Variants in KCNJ3 observed in about 807,000 individuals in gnomAD.
The protein encoded by KCNJ3 is potassium inwardly rectifying channel subfamily J member 3.
KCNJ3 carries 4 observed loss-of-function variants against 39.2 expected under a neutral mutation model. The ratio of observed to expected loss-of-function variants is 0.10; its 90% CI spans 0.05 to 0.23. The LOEUF (loss-of-function observed/expected upper bound fraction) is 0.23, where lower values mean the gene tolerates loss of function less well. Ranked by LOEUF, KCNJ3 falls within the 10% of genes least tolerant of loss-of-function variation. The probability of loss-of-function intolerance (pLI) is 1.00; values close to 1 mark genes in which losing one functional copy is unlikely to be tolerated. For synonymous variants in KCNJ3, 230 were observed against 237.4 expected (o/e 0.97, Z 0.29); for missense variants, 276 against 634.9 (o/e 0.43, Z 6.08).
Position 154,703,791 on chromosome 2 carries a change from C to T in KCNJ3, c.702+4314C>T, listed in dbSNP as rs953014340. 3.9e-5 allele frequency among the ~76,000 whole-genome samples: 6 copies of T among 152,050 alleles called. No individual in the cohort carries two copies. The South Asian group carries it at 8.3e-4, about 21-fold the overall frequency. ...TATAACTGACTCTTCACCAATTGAC[C>T]GTGGCCAATTTGAACTTTATTTTTA... On this transcript the variant is annotated intron_variant, in intron 1 of 2. Transcript: ENST00000295101.
At chr2:154,790,017 T>C (rs544443719) in intron 2 of KCNJ3, among the ~76,000 whole-genome samples, 1 of 152,200 alleles carries the variant, frequency 6.6e-6, no homozygotes, top group Non-Finnish European at 1.5e-5. Flanking sequence ...TAAGAGGCAG[T>C]TTCATTCCCT....
intron 1 of KCNJ3, among the ~76,000 whole-genome samples, chr2:154,708,771 TTTAC>T (rs1362553475): frequency 1.3e-5 from 2 of 152,182 alleles, no homozygotes; most frequent in Non-Finnish European, 2.9e-5. Context: ...ATGCAAGCAA[TTTAC>T]TTAATTAAGC....
intron 2 of KCNJ3, among the ~76,000 whole-genome samples, chr2:154,835,727 G>A (rs887141602): frequency 2.0e-5 from 3 of 151,712 alleles, no homozygotes; most frequent in Non-Finnish European, 4.4e-5. Flanking sequence ...CGTTAGCTAT[G>A]TCATTTTATA....
intron 2 of KCNJ3, among the ~76,000 whole-genome samples, chr2:154,726,993 G>A (rs1685371644): frequency 6.6e-6 from 1 of 152,016 alleles, no homozygotes; most frequent in Non-Finnish European, 1.5e-5. Flanking sequence ...AGAATGATCA[G>A]TGGACTTTGG....
intron 2 of KCNJ3, among the ~76,000 whole-genome samples, chr2:154,773,289 C>A (rs933612286): frequency 4.6e-5 from 7 of 151,956 alleles, no homozygotes; most frequent in Admixed American, 4.6e-4. Context: ...TTTTTGATTA[C>A]CTGCTGAGAT....
chr2:154,811,873 A>G (rs1258408039), intron 2 of KCNJ3, among the ~76,000 whole-genome samples: 2 of 152,164 alleles, frequency 1.3e-5, no homozygotes, highest in Non-Finnish European at 2.9e-5. Flanking sequence ...GGAATATACT[A>G]GCAGGGTCTG....
chr2:154,775,908 G>A (rs978405477), intron 2 of KCNJ3, among the ~76,000 whole-genome samples: 3 of 151,890 alleles, frequency 2.0e-5, no homozygotes, highest in African/African-American at 7.3e-5. Flanking sequence ...AAAATACTGA[G>A]CTTGTTTTCT....
At chr2:154,777,397 G>A (rs565248734) in intron 2 of KCNJ3, among the ~76,000 whole-genome samples, 16 of 152,260 alleles carry the variant, frequency 1.1e-4, no homozygotes, top group Non-Finnish European at 2.4e-4. Context: ...GGTTAGCCAG[G>A]TTGGCATTGT....
intron 2 of KCNJ3, among the ~76,000 whole-genome samples, chr2:154,717,909 C>T (rs1685207962): frequency 6.6e-6 from 1 of 152,164 alleles, no homozygotes; most frequent in African/African-American, 2.4e-5. Context: ...AGGTAGTACT[C>T]TACTGACCAT....
intron 2 of KCNJ3, among the ~76,000 whole-genome samples, chr2:154,822,959 A>G (rs976846632): frequency 9.2e-5 from 14 of 151,552 alleles, no homozygotes; most frequent in Non-Finnish European, 1.8e-4. Context: ...CTATGTATTA[A>G]TCATATGTAA....
intron 2 of KCNJ3, among the ~76,000 whole-genome samples, chr2:154,719,883 A>C: frequency 6.6e-6 from 1 of 152,240 alleles, no homozygotes; most frequent in East Asian, 1.9e-4. Context: ...TTGACAAATA[A>C]ACATTTTAGG....
chr2:154,740,688 C>T (rs1172152268), intron 2 of KCNJ3, among the ~76,000 whole-genome samples: 1 of 151,922 alleles, frequency 6.6e-6, no homozygotes, highest in Non-Finnish European at 1.5e-5. Flanking sequence ...TCTTTTTAAT[C>T]TCCTTTCTAT....
intron 2 of KCNJ3, among the ~76,000 whole-genome samples, chr2:154,767,365 G>A (rs1686152893): frequency 6.6e-6 from 1 of 151,758 alleles, no homozygotes; most frequent in African/African-American, 2.4e-5. Flanking sequence ...GCCCTGGTGT[G>A]CGATGTTCCC....
chr2:154,843,652 C>G (rs1052367280), intron 2 of KCNJ3, among the ~76,000 whole-genome samples: 1 of 151,832 alleles, frequency 6.6e-6, no homozygotes, highest in African/African-American at 2.4e-5. Flanking sequence ...ACTCTTTTTT[C>G]TCTAACCTCG....
At chr2:154,783,049 G>A (rs757421281) in intron 2 of KCNJ3, among the ~76,000 whole-genome samples, 4 of 151,972 alleles carry the variant, frequency 2.6e-5, no homozygotes, top group Non-Finnish European at 5.9e-5. Context: ...GTGGTCGTGG[G>A]CACCTGTATT....
chr2:154,824,311 G>A (rs1687233761), intron 2 of KCNJ3, among the ~76,000 whole-genome samples: 1 of 151,978 alleles, frequency 6.6e-6, no homozygotes, highest in African/African-American at 2.4e-5. Flanking sequence ...ACTCCAGTCT[G>A]GATGACAGAG....
At chr2:154,742,964 T>C (rs940443099) in intron 2 of KCNJ3, among the ~76,000 whole-genome samples, 3 of 151,908 alleles carry the variant, frequency 2.0e-5, no homozygotes, top group African/African-American at 7.2e-5. Context: ...TGTAAGCTAT[T>C]GCCATGTGTT....
At chr2:154,834,502 C>T (rs551629362) in intron 2 of KCNJ3, among the ~76,000 whole-genome samples, 2 of 152,136 alleles carry the variant, frequency 1.3e-5, no homozygotes, top group African/African-American at 4.8e-5. Context: ...GCTGCCGAGG[C>T]GGGTGGATCA....
chr2:154,731,744 CA>C (rs1685452166), intron 2 of KCNJ3, among the ~76,000 whole-genome samples: 1 of 151,084 alleles, frequency 6.6e-6, no homozygotes, highest in Admixed American at 6.6e-5. Context: ...TTTTTGTATT[CA>C]GTACTTTTTC....
Sources: gnomAD v4.1 joint callset for allele counts (sites outside exome capture counted in the v4.1 genomes callset) on GRCh38, gnomAD v4.1.1 for gene constraint, MANE v1.5 for transcripts, NCBI Gene and HGNC (gene_info 2026-07-23, HGNC 2026-07-21) for gene names.